Variants in ALK observed in about 807,000 individuals in gnomAD.
The protein encoded by ALK is ALK tyrosine kinase receptor.
Under a neutral mutation model 163.1 loss-of-function variants are expected in ALK, and 74 were observed. The observed-to-expected ratio is 0.45, with a 90% CI of 0.38 to 0.55. ALK has a LOEUF of 0.55. ALK is among the 20% of genes least tolerant of loss of function. ALK has a pLI of 0.00. For missense variants in ALK, 2,063 were observed against 2,105.3 expected (o/e 0.98, Z 0.39); for synonymous variants, 960 against 843.2 (o/e 1.14, Z -2.40).
At chr2:29,245,066 T>C (rs1307047072) in intron 12 of ALK, among the ~76,000 whole-genome samples, 1 of 151,856 alleles carries the variant, frequency 6.6e-6, no homozygotes, top group Non-Finnish European at 1.5e-5. Flanking sequence ...CAGTTGGGGC[T>C]GTATGGCTCA....
chr2:29,360,413 G>A (rs1276275043), intron 5 of ALK, among the ~76,000 whole-genome samples: 1 of 152,188 alleles, frequency 6.6e-6, no homozygotes, highest in Non-Finnish European at 1.5e-5. Flanking sequence ...TAGCCTCTGT[G>A]TAGCCTTCTG....
At chr2:29,331,803 G>A (rs538726769) in intron 5 of ALK, among the ~76,000 whole-genome samples, 7 of 152,168 alleles carry the variant, frequency 4.6e-5, no homozygotes, top group Non-Finnish European at 8.8e-5. Context: ...AGGAGAAAAT[G>A]GGGAAGGCCA....
intron 1 of ALK, among the ~76,000 whole-genome samples, chr2:29,827,268 C>G (rs1216380125): frequency 6.6e-6 from 1 of 152,156 alleles, no homozygotes; most frequent in Non-Finnish European, 1.5e-5. Flanking sequence ...GATGAGAAAT[C>G]AAGGTCCAGA....
chr2:29,364,041 T>C (rs149977645), intron 5 of ALK, among the ~76,000 whole-genome samples: 13 of 152,282 alleles, frequency 8.5e-5, no homozygotes, highest in African/African-American at 3.1e-4. Flanking sequence ...AGTTCCTTAT[T>C]ATTATGGGCT....
At chr2:29,495,513 G>T (rs1406636202) in intron 4 of ALK, among the ~76,000 whole-genome samples, 1 of 152,108 alleles carries the variant, frequency 6.6e-6, no homozygotes, top group East Asian at 1.9e-4. Context: ...GCATACTAGT[G>T]CTAGTTACTA....
intron 11 of ALK, among the ~76,000 whole-genome samples, chr2:29,274,332 AAG>A (rs1356185387): frequency 6.6e-6 from 1 of 152,252 alleles, no homozygotes; most frequent in Non-Finnish European, 1.5e-5. Context: ...TTATAGGAAA[AAG>A]AGTGTGGGTA....
intron 3 of ALK, among the ~76,000 whole-genome samples, chr2:29,674,818 G>A (rs1354370920): frequency 1.4e-5 from 2 of 140,472 alleles, no homozygotes; most frequent in Non-Finnish European, 3.1e-5. Context: ...ACTCTTTTTA[G>A]TTGGTAAGCT....
chr2:29,224,580 C>T (rs1332089946), intron 19 of ALK: 2 of 229,448 alleles, frequency 8.7e-6, no homozygotes, highest in Non-Finnish European at 1.7e-5. Flanking sequence ...TGTGTAAAGC[C>T]CAGCCCCCCA....
chr2:29,454,975 T>C (rs1034087051), intron 4 of ALK, among the ~76,000 whole-genome samples: 9 of 152,154 alleles, frequency 5.9e-5, no homozygotes, highest in African/African-American at 2.2e-4. Context: ...GAGAAGAAAA[T>C]CACTGGCCCT....
rs374543325 is a variant in ALK at position 29,264,621 on chromosome 2, G to T, written c.2041+10478C>A. On this transcript the variant is annotated intron_variant, in intron 11 of 28. Coordinates refer to ENST00000389048, the MANE Select transcript of ALK (RefSeq NM_004304.5). ...CAGAGAGGGTGGTTAATAAATCTTTGTTATGTGAAAAACAAAACCAAAGCA... is the reference window on the plus strand; with the variant it reads ...CAGAGAGGGTGGTTAATAAATCTTTTTTATGTGAAAAACAAAACCAAAGCA... Among the ~76,000 whole-genome samples the T allele has an allele frequency of 1.3e-4, 20 of 152,296 alleles. No individual in the cohort carries two copies. The South Asian group carries it at 1.7e-3, about 13-fold the overall frequency.
At chr2:29,612,340 T>C (rs1010840109) in intron 3 of ALK, among the ~76,000 whole-genome samples, 1 of 152,214 alleles carries the variant, frequency 6.6e-6, no homozygotes, top group Non-Finnish European at 1.5e-5. Context: ...TTAAAGTCTT[T>C]ATCTGGGTGA....
chr2:29,478,689 A>G (rs751694109), intron 4 of ALK, among the ~76,000 whole-genome samples: 36 of 152,226 alleles, frequency 2.4e-4, no homozygotes, highest in Non-Finnish European at 2.8e-4. Context: ...AACGATGAGC[A>G]TGGACATATT....
chr2:29,515,361 G>A (rs1427487786), intron 4 of ALK, among the ~76,000 whole-genome samples: 1 of 152,174 alleles, frequency 6.6e-6, no homozygotes, highest in Admixed American at 6.5e-5. Context: ...TGAGCTTCCT[G>A]AGGATAGTGA....
At chr2:29,728,095 T>C (rs1254275820) in intron 1 of ALK, among the ~76,000 whole-genome samples, 1 of 151,974 alleles carries the variant, frequency 6.6e-6, no homozygotes, top group African/African-American at 2.4e-5. Flanking sequence ...TTTAAACCTT[T>C]AAGCTGCAAT....
In ALK at chr2:29,637,709, C is replaced by CAAAA. The variant is rs70958274; in HGVS notation, c.952+57137_952+57140dup. Among the ~76,000 whole-genome samples, 28 of 112,338 alleles carry CAAAA rather than the reference C, an allele frequency of 2.5e-4. 3 individuals are homozygous for CAAAA. The highest frequency in any genetic ancestry group is 1.0e-3 in the African/African-American group (23 of 23,074). The allele number at this position is 112,338 out of a possible 152,430, so 73.7% of individuals were successfully genotyped here. A position where few individuals can be genotyped will look rare whatever the true frequency, so the allele number is the denominator to read the frequency against. On this transcript the variant is annotated intron_variant, in intron 3 of 28. Transcript: ENST00000389048. ...GGGTGACAGAGCAAGACTCCGTCTC[C>CAAAA]AAAAAAAAAAAAAGAGGACTCTTTG...
At chr2:29,550,376 AC>A (rs1371400690) in intron 3 of ALK, among the ~76,000 whole-genome samples, 4 of 152,152 alleles carry the variant, frequency 2.6e-5, no homozygotes, top group Middle Eastern at 6.3e-3. Context: ...CTTTCCCTGG[AC>A]CTTGGCCTTT....
At chr2:29,871,286 AAGGGCAACTATTATCT>A (rs1382095602) in intron 1 of ALK, among the ~76,000 whole-genome samples, 2 of 152,072 alleles carry the variant, frequency 1.3e-5, no homozygotes, top group Admixed American at 6.5e-5. Context: ...GGTTATCTCC[AAGGGCAACTATTATCT>A]AGGCCATAAT....
chr2:29,270,055 C>T (rs563433039), intron 11 of ALK, among the ~76,000 whole-genome samples: 5 of 151,966 alleles, frequency 3.3e-5, no homozygotes, highest in African/African-American at 1.2e-4. Context: ...CTCTTGAAGA[C>T]CTATTCAGTA....
chr2:29,798,377 T>C (rs1363281453), intron 1 of ALK, among the ~76,000 whole-genome samples: 2 of 152,216 alleles, frequency 1.3e-5, no homozygotes, highest in Admixed American at 1.3e-4. Flanking sequence ...AAGGGAAATC[T>C]AAGGAATTAG....
Sources: allele counts gnomAD v4.1 joint callset (sites outside exome capture counted in the v4.1 genomes callset), GRCh38; gene constraint gnomAD v4.1.1; transcripts MANE v1.5; gene names NCBI Gene and HGNC (gene_info 2026-07-23, HGNC 2026-07-21).